Variants in PCCA observed in about 807,000 individuals in gnomAD.
The protein encoded by PCCA is propionyl-CoA carboxylase subunit alpha, also known as propionyl-CoA carboxylase alpha chain, mitochondrial.
PCCA carries 74 observed loss-of-function variants against 101.3 expected under a neutral mutation model. The observed-to-expected ratio is 0.73, with a 90% CI of 0.61 to 0.89. The LOEUF (loss-of-function observed/expected upper bound fraction) is 0.89. PCCA is among the 40% of genes least tolerant of loss of function. PCCA has a pLI of 0.00. For synonymous variants in PCCA, 294 were observed against 313.6 expected (o/e 0.94, Z 0.66); for missense variants, 891 against 907.0 (o/e 0.98, Z 0.23).
Position 100,381,122 on chromosome 13 carries a change from C to T in PCCA, c.1746+12548C>T, listed in dbSNP as rs1462493039. 5.9e-5 allele frequency among the ~76,000 whole-genome samples: 9 copies of T among 152,142 alleles called. No homozygotes were observed. The South Asian group carries it at 6.2e-4, about 11-fold the overall frequency. ...TTGGTAGGCCAGGTGCGGTGGCTCA[C>T]GCCTGTAATCCCAGCACTTTGGGAG... On this transcript the variant is annotated intron_variant, in intron 19 of 23. Transcript: ENST00000376285.
At chr13:100,139,488 C>G (rs2051601219) in intron 4 of PCCA, among the ~76,000 whole-genome samples, 2 of 151,696 alleles carry the variant, frequency 1.3e-5, no homozygotes, top group Non-Finnish European at 1.5e-5. Flanking sequence ...TTGACTCTTT[C>G]CTTTGTCATC....
At chr13:100,447,082 A>G (rs2080882871) in intron 20 of PCCA, among the ~76,000 whole-genome samples, 1 of 152,136 alleles carries the variant, frequency 6.6e-6, no homozygotes, top group Non-Finnish European at 1.5e-5. Context: ...CTCAGGATAA[A>G]TTCTTAGAAG....
chr13:100,274,197 C>CG (rs1157828649), intron 12 of PCCA, among the ~76,000 whole-genome samples: 1 of 152,128 alleles, frequency 6.6e-6, no homozygotes, highest in Non-Finnish European at 1.5e-5. Context: ...CTTTGAATTA[C>CG]GCATACCTAA....
At chr13:100,337,066 C>T (rs755294572) in intron 17 of PCCA, among the ~76,000 whole-genome samples, 3 of 152,098 alleles carry the variant, frequency 2.0e-5, no homozygotes, top group Non-Finnish European at 4.4e-5. Flanking sequence ...TCTTGGTTTA[C>T]GTTCACACTC....
chr13:100,089,442 G>C (rs2046072094), intron 1 of PCCA, among the ~76,000 whole-genome samples: 1 of 152,254 alleles, frequency 6.6e-6, no homozygotes, highest in African/African-American at 2.4e-5. Context: ...CGGGGATCCT[G>C]CGGAGCAGAG....
At chr13:100,221,191 G>A (rs1311525053) in intron 7 of PCCA, among the ~76,000 whole-genome samples, 1 of 152,182 alleles carries the variant, frequency 6.6e-6, no homozygotes, top group Non-Finnish European at 1.5e-5. Flanking sequence ...TAATATGGGA[G>A]GTTTCTTCCA....
chr13:100,229,228 T>C (rs1481197112), intron 7 of PCCA, among the ~76,000 whole-genome samples: 3 of 152,322 alleles, frequency 2.0e-5, no homozygotes, highest in South Asian at 2.1e-4. Flanking sequence ...CCCAAAAATA[T>C]TGGGCTTGGT....
intron 4 of PCCA, among the ~76,000 whole-genome samples, chr13:100,133,701 G>A (rs1376178792): frequency 1.3e-5 from 2 of 152,198 alleles, no homozygotes; most frequent in African/African-American, 4.8e-5. Flanking sequence ...AGGATGCAAA[G>A]TATTGTGTGT....
At position 100,182,143 on chromosome 13, in the gene PCCA, G is replaced by A. The variant is rs574052451; in HGVS notation, c.468+24803G>A. ...GATGGAGTCTTGCTCTGTTGCCCAG[G>A]CTGGAGTGCAGTGGCTTGATCTTGG... On this transcript the variant is annotated intron_variant, in intron 6 of 23. Coordinates refer to ENST00000376285, the MANE Select transcript of PCCA (RefSeq NM_000282.4). Among the ~76,000 whole-genome samples, 9 of 143,406 alleles carry A rather than the reference G, an allele frequency of 6.3e-5. No homozygotes were observed. The South Asian group carries it at 2.0e-3, about 32-fold the overall frequency. 94.1% of individuals were successfully genotyped at this position (143,406 alleles called of 152,430 possible).
At chr13:100,288,313 A>G (rs2064851979) in intron 12 of PCCA, among the ~76,000 whole-genome samples, 1 of 152,022 alleles carries the variant, frequency 6.6e-6, no homozygotes, top group Non-Finnish European at 1.5e-5. Flanking sequence ...GTTTATTTTT[A>G]GAGAGAGGGG....
intron 21 of PCCA, among the ~76,000 whole-genome samples, chr13:100,483,497 G>A (rs1277505179): frequency 1.3e-5 from 2 of 152,174 alleles, no homozygotes; most frequent in African/African-American, 2.4e-5. Context: ...CTGCTGCTCA[G>A]TACTCCTTCC....
intron 16 of PCCA, among the ~76,000 whole-genome samples, chr13:100,320,121 T>A (rs2067856504): frequency 6.6e-6 from 1 of 152,208 alleles, no homozygotes; most frequent in Non-Finnish European, 1.5e-5. Context: ...GATTTGGCTC[T>A]CTGTTTGTCT....
At chr13:100,388,612 A>T (rs1481472231) in intron 19 of PCCA, among the ~76,000 whole-genome samples, 1 of 152,222 alleles carries the variant, frequency 6.6e-6, no homozygotes, top group Non-Finnish European at 1.5e-5. Flanking sequence ...TCTGGCCAAC[A>T]TGGTGAAACC....
intron 6 of PCCA, among the ~76,000 whole-genome samples, chr13:100,201,524 A>G (rs925400972): frequency 2.0e-5 from 3 of 152,124 alleles, no homozygotes; most frequent in African/African-American, 7.2e-5. Context: ...CCCACCCCCA[A>G]TAATTAGTAA....
chr13:100,394,871 TC>T lies in PCCA; in HGVS notation c.1746+26299del, dbSNP rs2076971421. On this transcript the variant is annotated intron_variant, in intron 19 of 23. Transcript: ENST00000376285. The surrounding 1 kb of genome is among the most constrained non-coding windows in gnomAD (Gnocchi z 4.3). ...TCTGAAAAAACTGCTTTCTTGTCTT[TC>T]CAGTTTGTGTGTCCAGGGTCTGACG... is the stretch of plus-strand genomic sequence containing the variant. 6.6e-6 allele frequency among the ~76,000 whole-genome samples: 1 copy of T among 152,198 alleles called. No homozygotes were observed. Among genetic ancestry groups the T allele is most frequent in the Non-Finnish European group, 1.5e-5 (1 of 68,036 alleles).
At chr13:100,378,386 G>A (rs999028081) in intron 19 of PCCA, among the ~76,000 whole-genome samples, 1 of 152,148 alleles carries the variant, frequency 6.6e-6, no homozygotes, top group Non-Finnish European at 1.5e-5. Flanking sequence ...TAGATAGTTT[G>A]ACTATAATGT....
At chr13:100,152,902 C>G (rs560087242) in intron 4 of PCCA, among the ~76,000 whole-genome samples, 1 of 152,266 alleles carries the variant, frequency 6.6e-6, no homozygotes, top group Non-Finnish European at 1.5e-5. Context: ...AGGATTCTCT[C>G]TCTCCTTTTT....
At chr13:100,465,594 T>C (rs1459173464) in intron 21 of PCCA, among the ~76,000 whole-genome samples, 4 of 152,246 alleles carry the variant, frequency 2.6e-5, no homozygotes, top group African/African-American at 7.2e-5. Flanking sequence ...GGCAGTGTTA[T>C]CTGTTTGGGC....
chr13:100,486,731 A>C (rs1006428217), intron 21 of PCCA, among the ~76,000 whole-genome samples: 2 of 152,132 alleles, frequency 1.3e-5, no homozygotes, highest in African/African-American at 4.8e-5. Flanking sequence ...TGGGCAACCT[A>C]GTGAGACCTC....
Sources: gnomAD v4.1 joint callset for allele counts (sites outside exome capture counted in the v4.1 genomes callset) on GRCh38, gnomAD v4.1.1 for gene constraint, Gnocchi (gnomAD v3.1) non-coding constraint, MANE v1.5 for transcripts, NCBI Gene and HGNC (gene_info 2026-07-23, HGNC 2026-07-21) for gene names.